The following DSCAM variants were observed in gnomAD, a reference collection of about 807,000 sequenced individuals.
DSCAM encodes cell adhesion molecule DSCAM.
DSCAM carries 47 observed loss-of-function variants against 217.7 expected under a neutral mutation model. The ratio of observed to expected loss-of-function variants is 0.22; its 90% confidence interval spans 0.17 to 0.28. The LOEUF is 0.28. Among genes scored for constraint, DSCAM ranks in the 10% least tolerant of loss-of-function variants. The probability of loss-of-function intolerance (pLI) is 1.00; values close to 1 mark genes in which losing one functional copy is unlikely to be tolerated. For synonymous variants in DSCAM, 1,056 were observed against 1,015.3 expected (o/e 1.04, Z -0.76); for missense variants, 2,080 against 2,618.3 (o/e 0.79, Z 4.49).
intron 3 of DSCAM, among the ~76,000 whole-genome samples, chr21:40,520,584 A>G (rs891686433): frequency 1.3e-5 from 2 of 152,126 alleles, no homozygotes; most frequent in African/African-American, 2.4e-5. Context: ...CGAGGCGGGC[A>G]GATCACGAGA....
intron 11 of DSCAM, among the ~76,000 whole-genome samples, chr21:40,199,479 T>G (rs11909038): frequency 1.3e-5 from 2 of 152,218 alleles, no homozygotes; most frequent in Admixed American, 1.3e-4. Context: ...GTGTCTTTAT[T>G]GTAGAATGAG....
At chr21:40,787,011 A>C (rs944381566) in intron 1 of DSCAM, among the ~76,000 whole-genome samples, 2 of 152,234 alleles carry the variant, frequency 1.3e-5, no homozygotes, top group African/African-American at 4.8e-5. Context: ...CAAGGGCTCG[A>C]TTTGAAACGT....
intron 16 of DSCAM, among the ~76,000 whole-genome samples, chr21:40,163,908 C>G (rs1364852979): frequency 6.6e-6 from 1 of 152,166 alleles, no homozygotes; most frequent in African/African-American, 2.4e-5. Context: ...CCATGGCAGT[C>G]TTGGAAACAC....
intron 20 of DSCAM, among the ~76,000 whole-genome samples, chr21:40,119,075 T>A (rs895044191): frequency 6.6e-6 from 1 of 152,198 alleles, no homozygotes; most frequent in Non-Finnish European, 1.5e-5. Context: ...TGGCATGTAC[T>A]ACCACATACT....
chr21:40,188,461 T>A (rs1003000639), intron 12 of DSCAM, among the ~76,000 whole-genome samples: 1 of 152,200 alleles, frequency 6.6e-6, no homozygotes, highest in Non-Finnish European at 1.5e-5. Context: ...TGGACCCTTG[T>A]CTGAGAGCCA....
At chr21:40,504,491 C>T (rs2076194842) in intron 3 of DSCAM, among the ~76,000 whole-genome samples, 1 of 152,152 alleles carries the variant, frequency 6.6e-6, no homozygotes, top group Non-Finnish European at 1.5e-5. Context: ...GGTTAGCGGG[C>T]ATTACATTAA....
chr21:40,340,625 G>A (rs996763474), intron 6 of DSCAM, among the ~76,000 whole-genome samples: 1 of 152,016 alleles, frequency 6.6e-6, no homozygotes, highest in Non-Finnish European at 1.5e-5. Context: ...GACATCTTTT[G>A]TTTTTTAAAA....
At chr21:40,172,100 C>A (rs2078247820) in intron 15 of DSCAM, among the ~76,000 whole-genome samples, 1 of 152,186 alleles carries the variant, frequency 6.6e-6, no homozygotes, top group Non-Finnish European at 1.5e-5. Context: ...GAAACATGGT[C>A]TCTACTAAAA....
At chr21:40,040,091 A>G (rs534276659) in intron 32 of DSCAM, among the ~76,000 whole-genome samples, 8 of 152,362 alleles carry the variant, frequency 5.3e-5, no homozygotes, top group African/African-American at 1.9e-4. Context: ...TAAAGGAGCG[A>G]CGGAAAGGTT....
At chr21:40,792,155 TTTTGA>T (rs1268483806) in intron 1 of DSCAM, among the ~76,000 whole-genome samples, 3 of 148,130 alleles carry the variant, frequency 2.0e-5, no homozygotes, top group African/African-American at 7.5e-5. Context: ...TTTTTTTTTT[TTTTGA>T]GACAGAGTCT....
intron 11 of DSCAM, among the ~76,000 whole-genome samples, chr21:40,257,690 G>A (rs1055059601): frequency 6.6e-6 from 1 of 152,148 alleles, no homozygotes; most frequent in African/African-American, 2.4e-5. Flanking sequence ...ATGAGAAAGA[G>A]GGGCTTCTCA....
chr21:40,826,507 T>C (rs1457173702), intron 1 of DSCAM, among the ~76,000 whole-genome samples: 1 of 152,232 alleles, frequency 6.6e-6, no homozygotes, highest in Non-Finnish European at 1.5e-5. Flanking sequence ...ATCCCTTGGC[T>C]ACTGGGTGGA....
chr21:40,616,966 G>A (rs1244145798), intron 3 of DSCAM, among the ~76,000 whole-genome samples: 4 of 135,046 alleles, frequency 3.0e-5, no homozygotes, highest in Middle Eastern at 4.8e-3. Flanking sequence ...GCAGTGAGCC[G>A]AGATCCCGCC....
chr21:40,382,822 G>T lies in DSCAM; in HGVS notation c.509-13577C>A, dbSNP rs539556139. Among the ~76,000 whole-genome samples, 2 of 152,198 alleles carry T rather than the reference G, an allele frequency of 1.3e-5. 1 individual carries two copies. The highest frequency in any genetic ancestry group is 4.2e-4 in the South Asian group (2 of 4,812). On this transcript the variant is annotated intron_variant, in intron 3 of 32. Coordinates refer to ENST00000400454, the MANE Select transcript of DSCAM (RefSeq NM_001389.5). ...AGCTTATCACAAACTCCATTGCCTTGCAATAACCTTTGTAACAAAATGGTA... is the reference window on the plus strand; with the variant it reads ...AGCTTATCACAAACTCCATTGCCTTTCAATAACCTTTGTAACAAAATGGTA...
At chr21:40,485,780 G>C (rs1017496378) in intron 3 of DSCAM, among the ~76,000 whole-genome samples, 1 of 151,732 alleles carries the variant, frequency 6.6e-6, no homozygotes, top group Admixed American at 6.6e-5. Context: ...TGTGTCAAAT[G>C]TATATTTTAT....
chr21:40,620,131 GAGAA>G (rs1454545759), intron 3 of DSCAM, among the ~76,000 whole-genome samples: 5 of 90,312 alleles, frequency 5.5e-5, no homozygotes, highest in African/African-American at 1.5e-4. Flanking sequence ...GAAAGAGAGA[GAGAA>G]AGAGAGAGAA....
At chr21:40,200,348 C>T (rs969278795) in intron 11 of DSCAM, among the ~76,000 whole-genome samples, 45 of 152,150 alleles carry the variant, frequency 3.0e-4, no homozygotes, top group Non-Finnish European at 5.9e-5. Context: ...TTCTACTTTC[C>T]GTCTCTATGA....
chr21:40,585,287 C>T (rs1476252855), intron 3 of DSCAM, among the ~76,000 whole-genome samples: 1 of 151,024 alleles, frequency 6.6e-6, no homozygotes, highest in Non-Finnish European at 1.5e-5. Context: ...AATATTGGAG[C>T]TCATTAGATC....
chr21:40,106,814 A>T (rs567315601), intron 20 of DSCAM, among the ~76,000 whole-genome samples: 1 of 152,158 alleles, frequency 6.6e-6, no homozygotes, highest in East Asian at 1.9e-4. Context: ...GCCAGTGGTA[A>T]CATCCCACTT....
Sources: gnomAD v4.1 joint callset for allele counts (sites outside exome capture counted in the v4.1 genomes callset) on GRCh38, gnomAD v4.1.1 for gene constraint, MANE v1.5 for transcripts, NCBI Gene and HGNC (gene_info 2026-07-23, HGNC 2026-07-21) for gene names.